Variants in CDKL5 observed in about 807,000 individuals in gnomAD.
The protein encoded by CDKL5 is cyclin dependent kinase like 5.
A neutral mutation model predicts 61.7 loss-of-function variants in CDKL5; 8 were observed. That is an observed-to-expected ratio of 0.13 (90% confidence interval 0.08 to 0.23). The LOEUF (loss-of-function observed/expected upper bound fraction) is 0.23. Ranked by LOEUF, CDKL5 falls within the 10% of genes least tolerant of loss-of-function variation. CDKL5 has a pLI of 1.00. For synonymous variants in CDKL5, 275 were observed against 272.3 expected (o/e 1.01, Z -0.10); for missense variants, 440 against 734.5 (o/e 0.60, Z 4.63).
At chrX:18,569,371 T>C (rs1249364052) in intron 4 of CDKL5, among the ~76,000 whole-genome samples, 1 of 112,041 alleles carries the variant, frequency 8.9e-6, no homozygotes, top group African/African-American at 3.2e-5. Flanking sequence ...TTGTAATAGT[T>C]CTGCTCATTA....
At chrX:18,559,280 C>A (rs749628091) in intron 3 of CDKL5, among the ~76,000 whole-genome samples, 1 of 111,976 alleles carries the variant, frequency 8.9e-6, no homozygotes, top group East Asian at 2.8e-4. Context: ...GTGGTCTCGG[C>A]TCACTGCAAC....
chrX:18,649,850 CA>C (rs1927953011), intron 20 of CDKL5, among the ~76,000 whole-genome samples: 4 of 112,189 alleles, frequency 3.6e-5, no homozygotes, highest in African/African-American at 6.5e-5. Flanking sequence ...CCCGAGCGAT[CA>C]GGGGGAGGGG....
chrX:18,587,829 A>G, intron 8 of CDKL5, 125 bp from the exon 9 acceptor site: 2 of 647,480 alleles, frequency 3.1e-6, no homozygotes, highest in Non-Finnish European at 4.9e-6. Flanking sequence ...TTCTTTTCAC[A>G]TGGAACTTTT....
intron 3 of CDKL5, among the ~76,000 whole-genome samples, chrX:18,561,559 C>T (rs1265780314): frequency 1.8e-5 from 2 of 110,903 alleles, no homozygotes; most frequent in South Asian, 3.8e-4. Context: ...TCAATAACCT[C>T]AGATTAATTT....
chrX:18,642,462 A>G (rs757729790), downstream of CDKL5, among the ~76,000 whole-genome samples: 19 of 111,067 alleles, frequency 1.7e-4, no homozygotes, highest in South Asian at 5.9e-3. Flanking sequence ...AGTGGCCGCC[A>G]TATTGGACAG....
At chrX:18,467,248 G>A (rs942792734) in intron 1 of CDKL5, among the ~76,000 whole-genome samples, 1 of 111,244 alleles carries the variant, frequency 9.0e-6, no homozygotes, top group African/African-American at 3.3e-5. Flanking sequence ...GAACATCTGA[G>A]CCCCCAGGCC....
intron 1 of CDKL5, among the ~76,000 whole-genome samples, chrX:18,488,826 CT>C (rs1300644382): frequency 9.0e-6 from 1 of 111,648 alleles, no homozygotes; most frequent in Non-Finnish European, 1.9e-5. Context: ...ACCTTTGTCC[CT>C]TTGGAATTCA....
At chrX:18,562,450 A>G (rs766759350) in intron 3 of CDKL5, among the ~76,000 whole-genome samples, 1 of 112,422 alleles carries the variant, frequency 8.9e-6, no homozygotes, top group South Asian at 3.6e-4. Context: ...AATAAAAACA[A>G]CATACAATAA....
At chrX:18,434,238 G>A (rs1286613671) in intron 1 of CDKL5, among the ~76,000 whole-genome samples, 2 of 111,495 alleles carry the variant, frequency 1.8e-5, no homozygotes, top group Non-Finnish European at 3.8e-5. Flanking sequence ...ATATAGGAGA[G>A]GAATGTAATG....
At chrX:18,509,199 A>ACGCACGCGCGCG (rs1351945385) in intron 2 of CDKL5, among the ~76,000 whole-genome samples, 2 of 44,927 alleles carry the variant, frequency 4.5e-5, no homozygotes, top group South Asian at 2.7e-3. Context: ...CAAAACACGC[A>ACGCACGCGCGCG]CACACACACA....
intron 1 of CDKL5, among the ~76,000 whole-genome samples, chrX:18,473,428 AC>A (rs1921176960): frequency 9.1e-6 from 1 of 110,086 alleles, no homozygotes; most frequent in Admixed American, 9.8e-5. Context: ...GGTGCTCGTC[AC>A]CCAGGTAAAC....
chrX:18,514,660 T>C (rs1922946599), intron 3 of CDKL5, among the ~76,000 whole-genome samples: 1 of 99,275 alleles, frequency 1.0e-5, no homozygotes, highest in African/African-American at 3.8e-5. Flanking sequence ...TGAACCGATA[T>C]CGCACCACTG....
intron 1 of CDKL5, among the ~76,000 whole-genome samples, chrX:18,430,687 C>A (rs1931463097): frequency 9.2e-6 from 1 of 108,945 alleles, no homozygotes; most frequent in Non-Finnish European, 1.9e-5. Context: ...TCAGACAGTC[C>A]CCCCGCTTCA....
intron 3 of CDKL5, among the ~76,000 whole-genome samples, chrX:18,512,226 A>G (rs1415286600): frequency 1.8e-5 from 2 of 111,830 alleles, no homozygotes; most frequent in African/African-American, 3.2e-5. Flanking sequence ...CTTCATTTGC[A>G]TATAATTTGT....
chrX:18,482,402 A>G (rs1384441888), intron 1 of CDKL5, among the ~76,000 whole-genome samples: 6 of 112,086 alleles, frequency 5.4e-5, no homozygotes, highest in Non-Finnish European at 1.1e-4. Context: ...GTTCTTTAGA[A>G]TTTAGACACT....
intron 3 of CDKL5, among the ~76,000 whole-genome samples, chrX:18,540,528 G>C (rs926472852): frequency 9.0e-6 from 1 of 111,603 alleles, no homozygotes; most frequent in Non-Finnish European, 1.9e-5. Flanking sequence ...TTCTTTAAGG[G>C]TAAGTTTGCT....
intron 1 of CDKL5, among the ~76,000 whole-genome samples, chrX:18,479,358 C>T (rs185435861): frequency 2.3e-5 from 2 of 86,858 alleles, no homozygotes; most frequent in South Asian, 6.8e-4. Flanking sequence ...CTCACACTCT[C>T]GCCCAGGCTG....
intron 4 of CDKL5, among the ~76,000 whole-genome samples, chrX:18,565,562 C>T (rs918951074): frequency 3.6e-5 from 4 of 111,925 alleles, no homozygotes; most frequent in African/African-American, 1.3e-4. Flanking sequence ...CATAGCTTAC[C>T]TTCATCAGCA....
In CDKL5 at chrX:18,462,619, G is replaced by T. The variant is rs564953746; in HGVS notation, c.-163+36924G>T. Among the ~76,000 whole-genome samples, 7 of 112,078 alleles carry T rather than the reference G, an allele frequency of 6.2e-5. No individual in the cohort carries two copies. In the Admixed American group the frequency reaches 6.7e-4, roughly 11 times the overall value. On this transcript the variant is annotated intron_variant, in intron 1 of 17. Transcript: ENST00000623535. ...GCAGAGACCTTGATTGAGTACTAGG[G>T]TGTGAGTATATGGGGCTGGGGAACC...
Sources: allele counts gnomAD v4.1 joint callset (sites outside exome capture counted in the v4.1 genomes callset), GRCh38; gene constraint gnomAD v4.1.1; transcripts MANE v1.5; gene names NCBI Gene and HGNC (gene_info 2026-07-23, HGNC 2026-07-21).